Variants in DNAAF9 observed in about 807,000 individuals in gnomAD.
DNAAF9 encodes shulin.
DNAAF9 carries 90 observed loss-of-function variants against 167.0 expected under a neutral mutation model. The ratio of observed to expected loss-of-function variants is 0.54; its 90% confidence interval spans 0.45 to 0.64. The LOEUF is 0.64. Among genes scored for constraint, DNAAF9 ranks in the 30% least tolerant of loss-of-function variants. DNAAF9 has a pLI of 0.00. For missense variants in DNAAF9, 1,315 were observed against 1,442.2 expected, an observed-to-expected ratio of 0.91 and a Z score of 1.43; for synonymous variants, 491 against 508.8, an observed-to-expected ratio of 0.96 and a Z score of 0.47.
At chr20:3,282,567 C>G (rs1318575433) in intron 27 of DNAAF9, among the ~76,000 whole-genome samples, 1 of 152,130 alleles carries the variant, frequency 6.6e-6, no homozygotes, top group African/African-American at 2.4e-5. Context: ...TGCTCAAAAC[C>G]CGCTGGTGGC....
chr20:3,364,975 C>T (rs1176157730), intron 6 of DNAAF9, among the ~76,000 whole-genome samples: 3 of 147,662 alleles, frequency 2.0e-5, no homozygotes, highest in African/African-American at 7.5e-5. Flanking sequence ...ATAGAGCCTC[C>T]TTCTGTCACC....
chr20:3,253,848 T>C (rs931563624), intron 35 of DNAAF9, 29 bp from the exon 36 acceptor site: 3 of 1,195,914 alleles, frequency 2.5e-6, no homozygotes, highest in Admixed American at 3.4e-5. Flanking sequence ...CTGTAATAAT[T>C]ATCTGACTAC....
chr20:3,364,947 C>CT (rs80087421), intron 6 of DNAAF9, among the ~76,000 whole-genome samples: 1,223 of 87,546 alleles, frequency 0.014, 8 homozygotes, highest in Non-Finnish European at 0.017. Flanking sequence ...TTCCTTTTTT[C>CT]TTTTTTTTTT....
intron 34 of DNAAF9, among the ~76,000 whole-genome samples, chr20:3,255,577 GCAGA>G (rs1241996259): frequency 1.3e-5 from 2 of 152,118 alleles, no homozygotes; most frequent in African/African-American, 2.4e-5. Flanking sequence ...CCAATGAGAG[GCAGA>G]CAAAGGGGCA....
intron 20 of DNAAF9, chr20:3,307,146 C>T (rs1019372984): frequency 4.1e-6 from 4 of 984,874 alleles, no homozygotes; most frequent in South Asian, 4.7e-5. Flanking sequence ...AAAGGATGAG[C>T]GAGGTCATCT....
At chr20:3,345,883 C>A (rs1349659007) in intron 8 of DNAAF9, among the ~76,000 whole-genome samples, 1 of 151,880 alleles carries the variant, frequency 6.6e-6, no homozygotes, top group Non-Finnish European at 1.5e-5. Context: ...TGCAGTGAGC[C>A]GAGATCGCGC....
chr20:3,297,655 G>A (rs1419279712), intron 22 of DNAAF9, among the ~76,000 whole-genome samples: 2 of 152,304 alleles, frequency 1.3e-5, no homozygotes, highest in African/African-American at 4.8e-5. Flanking sequence ...GGTACCATTC[G>A]CAAGGGCAGG....
At chr20:3,319,261 T>TAAAAA (rs2069569699) in intron 16 of DNAAF9, among the ~76,000 whole-genome samples, 1 of 9,876 alleles carries the variant, frequency 1.0e-4, no homozygotes, top group Non-Finnish European at 1.9e-4. Context: ...AGACCCCGTC[T>TAAAAA]CAAAAAAAAA....
rs563702457 is a variant in DNAAF9 at position 3,361,844 on chromosome 20, G to A, written c.613-2251C>T. The A allele has an allele frequency of 1.9e-5, 27 of 1,446,626 alleles. 1 individual carries two copies. Among genetic ancestry groups the A allele is most frequent in the African/African-American group, 1.3e-4 (9 of 70,844 alleles). The allele number at this position is 1,446,626 out of a possible 1,614,324, so 89.6% of individuals were successfully genotyped here. On this transcript the variant is annotated intron_variant, in intron 6 of 36. Transcript: ENST00000252032. ...TGAAGACTGCTTAAATCGAATGTTGGGGGGAAGGGGAAGGGCCTGTGGTTT... is the reference window on the plus strand; with the variant it reads ...TGAAGACTGCTTAAATCGAATGTTGAGGGGAAGGGGAAGGGCCTGTGGTTT...
At chr20:3,351,348 G>C (rs1316053326) in intron 7 of DNAAF9, among the ~76,000 whole-genome samples, 4 of 152,300 alleles carry the variant, frequency 2.6e-5, no homozygotes, top group African/African-American at 7.2e-5. Context: ...GCCAGCCATA[G>C]TGGCATGCAC....
At chr20:3,349,205 A>AG (rs1047949610) in intron 7 of DNAAF9, among the ~76,000 whole-genome samples, 1 of 59,218 alleles carries the variant, frequency 1.7e-5, no homozygotes, top group African/African-American at 7.4e-5. Flanking sequence ...AAAAAAAAAC[A>AG]AAAAAAAAAA....
At chr20:3,340,339 C>A (rs1163348484) in intron 10 of DNAAF9, among the ~76,000 whole-genome samples, 165 bp downstream of exon 10, 1 of 151,482 alleles carries the variant, frequency 6.6e-6, no homozygotes, top group Admixed American at 6.6e-5. Flanking sequence ...AAAAAAAGTA[C>A]AAACAGTTTC....
chr20:3,333,750 C>T (rs1169469131), intron 10 of DNAAF9, among the ~76,000 whole-genome samples: 1 of 151,988 alleles, frequency 6.6e-6, no homozygotes, highest in Non-Finnish European at 1.5e-5. Flanking sequence ...TGGTTTAAAC[C>T]CCAGATTTGA....
chr20:3,403,125 T>C (rs2084011783), intron 1 of DNAAF9, among the ~76,000 whole-genome samples: 3 of 152,112 alleles, frequency 2.0e-5, no homozygotes, highest in African/African-American at 7.2e-5. Flanking sequence ...AGTGCCTTGA[T>C]TCCCCCACTT....
intron 29 of DNAAF9, among the ~76,000 whole-genome samples, chr20:3,272,930 C>A (rs527967975): frequency 6.6e-6 from 1 of 152,190 alleles, no homozygotes; most frequent in East Asian, 1.9e-4. Flanking sequence ...TCAAGTGATT[C>A]CCCTGCCTCA....
chr20:3,278,857 T>G (rs1189641647), intron 29 of DNAAF9, 55 bp downstream of exon 29: 1 of 1,253,352 alleles, frequency 8.0e-7, no homozygotes, highest in East Asian at 2.3e-5. Flanking sequence ...AGTCTATTGC[T>G]GAATTCTACT....
intron 10 of DNAAF9, among the ~76,000 whole-genome samples, chr20:3,338,657 T>TC (rs1160475623): frequency 1.3e-5 from 2 of 151,264 alleles, no homozygotes; most frequent in East Asian, 3.9e-4. Flanking sequence ...GATTTTTTTT[T>TC]TTTTTTTTTT....
rs2068257900 is a variant in DNAAF9 at position 3,255,254 on chromosome 20, C to T, written c.3292G>A (p.Gly1098Arg). 4 of 1,551,180 alleles carry T rather than the reference C, an allele frequency of 2.6e-6. No homozygotes were observed. The highest frequency in any genetic ancestry group is 3.5e-6 in the Non-Finnish European group (4 of 1,146,614). Residue 1098 changes from glycine (G) to arginine (R), a missense_variant, in exon 35 of 37, where the codon GGG becomes AGG. Physicochemically the swap from Gly to Arg is moderately radical, Grantham distance 125 (BLOSUM62 -2). Transcript: ENST00000252032. ...CTGATCTCCTGTTGCGTCAGCATCC[C>T]CCTGGTCTTCAGGGCTTTCCTCTGA... ...KPQRKALKTR[G>R]MLTQQEIRSI...
rs2069627677 is a variant in DNAAF9 at position 3,322,198 on chromosome 20, C to T, written c.1356+19G>A. 1.3e-6 allele frequency: 2 copies of T among 1,597,944 alleles called. No individual in the cohort carries two copies. Among genetic ancestry groups the T allele is most frequent in the African/African-American group, 1.3e-5 (1 of 74,798 alleles). On this transcript the variant is annotated intron_variant, in intron 16 of 36. Transcript: ENST00000252032. Reference sequence around the variant, plus strand: ...TACAGGCCATTCCCAGCCAGCTGACCCATGATAGCTCTGCTTACCGTCTTC... The same window carrying T: ...TACAGGCCATTCCCAGCCAGCTGACTCATGATAGCTCTGCTTACCGTCTTC...
Sources: allele counts gnomAD v4.1 joint callset (sites outside exome capture counted in the v4.1 genomes callset), GRCh38; gene constraint gnomAD v4.1.1; transcripts MANE v1.5; gene names NCBI Gene and HGNC (gene_info 2026-07-23, HGNC 2026-07-21).